ADCY2: variants seen among roughly 807,000 people sequenced by gnomAD.
ADCY2 encodes the protein adenylate cyclase type 2.
In ADCY2, 31 loss-of-function variants were observed where a neutral mutation model predicts 125.2. The observed-to-expected ratio is 0.25, with a 90% confidence interval of 0.19 to 0.33. ADCY2 has a LOEUF of 0.33. ADCY2 is among the 10% of genes least tolerant of loss of function. ADCY2 has a pLI of 1.00. For missense variants in ADCY2, 904 were observed against 1,418.2 expected (o/e 0.64, Z 5.82); for synonymous variants, 512 against 548.4 (o/e 0.93, Z 0.93).
chr5:7,432,585 G>A (rs959499413), intron 2 of ADCY2, among the ~76,000 whole-genome samples: 3 of 152,332 alleles, frequency 2.0e-5, no homozygotes, highest in South Asian at 4.1e-4. Flanking sequence ...CACCCCAGCT[G>A]GCACGGAAGT....
chr5:7,485,206 T>C (rs1742879712), intron 2 of ADCY2, among the ~76,000 whole-genome samples: 1 of 152,198 alleles, frequency 6.6e-6, no homozygotes, highest in African/African-American at 2.4e-5. Flanking sequence ...TATGCAGACA[T>C]TTAAAACTTT....
intron 3 of ADCY2, among the ~76,000 whole-genome samples, chr5:7,544,133 A>ACAAAGAG (rs1735081778): frequency 6.6e-6 from 1 of 151,924 alleles, no homozygotes; most frequent in African/African-American, 2.4e-5. Flanking sequence ...CTTCCCCATG[A>ACAAAGAG]CAAAGAGCCC....
At chr5:7,812,805 G>A (rs1744987628) in intron 22 of ADCY2, among the ~76,000 whole-genome samples, 1 of 152,184 alleles carries the variant, frequency 6.6e-6, no homozygotes, top group Non-Finnish European at 1.5e-5. Flanking sequence ...AGTTACTCGG[G>A]AGGCTGAGGC....
At chr5:7,712,799 T>C (rs2126366767) in intron 10 of ADCY2, 57 bp from the exon 11 acceptor site, 3 of 1,199,976 alleles carry the variant, frequency 2.5e-6, no homozygotes, top group South Asian at 2.5e-5. Flanking sequence ...TAATTATCAT[T>C]GCAACATTCT....
At chr5:7,782,659 C>T (rs928148686) in intron 18 of ADCY2, among the ~76,000 whole-genome samples, 1 of 152,218 alleles carries the variant, frequency 6.6e-6, no homozygotes, top group African/African-American at 2.4e-5. Context: ...ATGTGATATT[C>T]ACAAAGCAGC....
intron 20 of ADCY2, among the ~76,000 whole-genome samples, chr5:7,790,560 A>T (rs1744220348): frequency 2.6e-5 from 4 of 152,242 alleles, no homozygotes; most frequent in Admixed American, 1.3e-4. Context: ...CTGAGCATCC[A>T]CAGTACGCAA....
At chr5:7,772,413 C>T (rs1743584367) in intron 17 of ADCY2, among the ~76,000 whole-genome samples, 1 of 152,158 alleles carries the variant, frequency 6.6e-6, no homozygotes, top group South Asian at 2.1e-4. Flanking sequence ...AATTTAAGTC[C>T]TTCTGTTTTA....
intron 4 of ADCY2, among the ~76,000 whole-genome samples, chr5:7,682,961 A>T (rs1740390522): frequency 6.6e-6 from 1 of 152,170 alleles, no homozygotes; most frequent in Non-Finnish European, 1.5e-5. Flanking sequence ...TTTATTTTGG[A>T]GGAAGAAATG....
rs1736130306 is a variant in ADCY2 at position 7,573,511 on chromosome 5, T to C, written c.570+52612T>C. On this transcript the variant is annotated intron_variant, in intron 3 of 24. Coordinates refer to ENST00000338316, the MANE Select transcript of ADCY2 (RefSeq NM_020546.3). ...GTGACTACATGATTATTTATATACA[T>C]TAAAATTATTCTAATCAACAATATA... Among the ~76,000 whole-genome samples the C allele has an allele frequency of 1.3e-5, 2 of 151,650 alleles. 1 individual carries two copies. Among genetic ancestry groups the C allele is most frequent in the South Asian group, 4.2e-4 (2 of 4,802 alleles).
At chr5:7,818,897 A>G (rs919911973) in intron 23 of ADCY2, among the ~76,000 whole-genome samples, 10 of 152,010 alleles carry the variant, frequency 6.6e-5, no homozygotes, top group African/African-American at 2.4e-4. Context: ...GAGGGACAGA[A>G]ATAATAGGAT....
At chr5:7,669,766 C>T (rs921305912) in intron 4 of ADCY2, among the ~76,000 whole-genome samples, 3 of 152,124 alleles carry the variant, frequency 2.0e-5, no homozygotes, top group African/African-American at 4.8e-5. Context: ...CCACTGCTGC[C>T]GGCAATGGGG....
At chr5:7,521,668 G>T (rs540515766) in intron 3 of ADCY2, among the ~76,000 whole-genome samples, 1 of 152,294 alleles carries the variant, frequency 6.6e-6, no homozygotes, top group South Asian at 2.1e-4. Context: ...AGGAACTTTA[G>T]GCATAGGTCA....
intron 3 of ADCY2, among the ~76,000 whole-genome samples, chr5:7,537,432 C>T (rs911040503): frequency 2.6e-5 from 4 of 152,164 alleles, no homozygotes; most frequent in Non-Finnish European, 5.9e-5. Context: ...GTAGATGGCA[C>T]CACCATCCTC....
chr5:7,676,447 T>C (rs747695340), intron 4 of ADCY2, among the ~76,000 whole-genome samples: 3 of 152,228 alleles, frequency 2.0e-5, no homozygotes, highest in African/African-American at 4.8e-5. Context: ...CAAAATTGTT[T>C]ATTAAATCTT....
At chr5:7,618,015 T>C in intron 3 of ADCY2, among the ~76,000 whole-genome samples, 1 of 152,188 alleles carries the variant, frequency 6.6e-6, no homozygotes, top group East Asian at 1.9e-4. Context: ...AAAAAGGACA[T>C]TCCAATTCAA....
chr5:7,398,181 G>A (rs1163442292), intron 1 of ADCY2, among the ~76,000 whole-genome samples: 6 of 152,202 alleles, frequency 3.9e-5, no homozygotes, highest in African/African-American at 2.4e-5. Flanking sequence ...AAAGGAGCAG[G>A]TGATGACCTA....
chr5:7,761,095 G>A (rs111321382), intron 16 of ADCY2, among the ~76,000 whole-genome samples: 1,773 of 148,844 alleles, frequency 0.012, 43 homozygotes, highest in African/African-American at 0.042. Flanking sequence ...TTTAAGGCTG[G>A]ATAATATTCC....
chr5:7,571,963 C>A lies in ADCY2; in HGVS notation c.570+51064C>A, dbSNP rs138891660. Among the ~76,000 whole-genome samples, 6 of 152,284 alleles carry A rather than the reference C, an allele frequency of 3.9e-5. No individual in the cohort carries two copies. The East Asian group carries it at 1.2e-3, about 29-fold the overall frequency. On this transcript the variant is annotated intron_variant, in intron 3 of 24. Transcript: ENST00000338316. ...CTTCATCCATGTCCCTGCAAAAGGA[C>A]ATGATCTTATTCTTGTTTATGGCTG...
At chr5:7,428,067 A>ATGTCT (rs1740452555) in intron 2 of ADCY2, among the ~76,000 whole-genome samples, 1 of 152,202 alleles carries the variant, frequency 6.6e-6, no homozygotes, top group African/African-American at 2.4e-5. Context: ...CACCCCAGGG[A>ATGTCT]GCTGGGCCTG....
Sources: gnomAD v4.1 joint callset for allele counts (sites outside exome capture counted in the v4.1 genomes callset) on GRCh38, gnomAD v4.1.1 for gene constraint, MANE v1.5 for transcripts, NCBI Gene and HGNC (gene_info 2026-07-23, HGNC 2026-07-21) for gene names.